The following SPCS2 variants were observed in gnomAD, a reference collection of about 807,000 sequenced individuals.
SPCS2 encodes signal peptidase complex subunit 2.
A neutral mutation model predicts 22.3 loss-of-function variants in SPCS2; 3 were observed. The observed-to-expected ratio is 0.13, with a 90% CI of 0.06 to 0.35. SPCS2 has a LOEUF of 0.35. Ranked by LOEUF, SPCS2 falls within the 10% of genes least tolerant of loss-of-function variation. The pLI is 1.00. For synonymous variants in SPCS2, 67 were observed against 97.2 expected (o/e 0.69, Z 1.83); for missense variants, 169 against 280.9 (o/e 0.60, Z 2.85).
At chr11:74,963,499 A>C in intron 1 of SPCS2, 1 of 376,210 alleles carries the variant, frequency 2.7e-6, no homozygotes, top group Non-Finnish European at 5.1e-6. Context: ...GTAGTTGTTT[A>C]AAATCTTTAC....
At chr11:74,953,531 CG>C (rs1948458838) in intron 1 of SPCS2, among the ~76,000 whole-genome samples, 1 of 152,058 alleles carries the variant, frequency 6.6e-6, no homozygotes, top group Admixed American at 6.5e-5. Flanking sequence ...TTGATTTGGG[CG>C]GGGAGGGTTT....
At chr11:74,956,513 C>T (rs1377500120) in intron 1 of SPCS2, among the ~76,000 whole-genome samples, 3 of 151,840 alleles carry the variant, frequency 2.0e-5, no homozygotes, top group East Asian at 1.9e-4. Flanking sequence ...TTGCTTTGTA[C>T]TCCACAGCCA....
At chr11:74,949,637 C>T (rs756294355) in intron 1 of SPCS2, 1 of 576,556 alleles carries the variant, frequency 1.7e-6, no homozygotes, top group South Asian at 1.5e-5. Flanking sequence ...TCCTGGTCGC[C>T]ACACCTTTTT....
chr11:74,976,881 G>T lies in SPCS2; in HGVS notation c.519G>T (p.Lys173Asn), dbSNP rs763005747. 5.6e-6 allele frequency: 9 copies of T among 1,613,448 alleles called. No individual in the cohort carries two copies. The highest frequency in any genetic ancestry group is 7.6e-6 in the Non-Finnish European group (9 of 1,179,646). ...GGTTTGATGACAAATACACCTTGAA[G>T]CTGACCTTCATCAGTGGGAGAACAA... is the stretch of plus-strand genomic sequence containing the variant. ...LKRFDDKYTL[K>N]LTFISGRTKQ... The change falls in exon 5 of 5, where the codon AAG becomes AAT. Residue 173 changes from lysine to asparagine, a missense_variant. Lys to Asn is a moderately conservative substitution (Grantham distance 94). Around this residue, in one of 2 missense-constraint regions of SPCS2, gnomAD observed 118 missense variants for 243.1 expected, o/e 0.49. Coordinates refer to ENST00000263672, the MANE Select transcript of SPCS2 (RefSeq NM_014752.3).
rs72988540 is a variant in SPCS2, at chr11:74,949,805, C to G, written c.114+406C>G. 2.8e-3 allele frequency among the ~76,000 whole-genome samples: 432 copies of G among 152,302 alleles called. 1 individual carries two copies. The highest frequency in any genetic ancestry group is 5.0e-3 in the Non-Finnish European group (343 of 68,024). On this transcript the variant is annotated intron_variant, in intron 1 of 4. Coordinates refer to ENST00000263672, the MANE Select transcript of SPCS2 (RefSeq NM_014752.3). Reference sequence around the variant, plus strand: ...AAACTCTCTACCACCATCACCCTTGCGTGCTGCTACAGATTCCAAAGTGCT... The same window carrying G: ...AAACTCTCTACCACCATCACCCTTGGGTGCTGCTACAGATTCCAAAGTGCT...
At chr11:74,949,518 A>G (rs1163560496) in intron 1 of SPCS2, 119 bp downstream of exon 1, 2 of 872,412 alleles carry the variant, frequency 2.3e-6, no homozygotes, top group Admixed American at 4.0e-5. Context: ...CCCTTGTGTG[A>G]CCACTATCAC....
intron 1 of SPCS2, among the ~76,000 whole-genome samples, chr11:74,955,849 A>ATATATATATATATATATATAT: frequency 2.8e-5 from 1 of 36,242 alleles, no homozygotes; most frequent in African/African-American, 7.6e-5. Context: ...ATTACTAATT[A>ATATATATATATATATATATAT]AAATATATAT....
At chr11:74,975,285 C>G (rs1289444802) in intron 4 of SPCS2, among the ~76,000 whole-genome samples, 1 of 152,112 alleles carries the variant, frequency 6.6e-6, no homozygotes, top group African/African-American at 2.4e-5. Flanking sequence ...TATTCTCTTA[C>G]CTTTCTTGTC....
intron 4 of SPCS2, among the ~76,000 whole-genome samples, chr11:74,973,761 G>A (rs903537595): frequency 6.6e-6 from 1 of 151,822 alleles, no homozygotes; most frequent in Non-Finnish European, 1.5e-5. Flanking sequence ...CTTTACTCTC[G>A]GTTTTTTGTT....
chr11:74,964,889 C>A, intron 1 of SPCS2, 145 bp from the exon 2 acceptor site: 1 of 586,378 alleles, frequency 1.7e-6, no homozygotes, highest in South Asian at 2.2e-5. Context: ...CCCAGAATAG[C>A]CTGTTTTGTC....
chr11:74,967,974 T>G (rs1948557101), intron 3 of SPCS2, among the ~76,000 whole-genome samples: 1 of 152,052 alleles, frequency 6.6e-6, no homozygotes, highest in Non-Finnish European at 1.5e-5. Context: ...CATATATCCT[T>G]CATCTCTAAA....
At chr11:74,969,012 T>G (rs796229060) in intron 3 of SPCS2, among the ~76,000 whole-genome samples, 1 of 152,220 alleles carries the variant, frequency 6.6e-6, no homozygotes, top group Admixed American at 6.5e-5. Flanking sequence ...AAAGCTCTTA[T>G]GCCAGTTTTT....
intron 1 of SPCS2, among the ~76,000 whole-genome samples, chr11:74,955,851 AATATATATATATAT>A (rs60855711): frequency 0.092 from 5,098 of 55,606 alleles, 635 homozygotes; most frequent in African/African-American, 0.15. Flanking sequence ...TACTAATTAA[AATATATATATATAT>A]ATATATATAT....
intron 1 of SPCS2, among the ~76,000 whole-genome samples, chr11:74,964,661 TG>T (rs1170512266): frequency 6.6e-6 from 1 of 152,206 alleles, no homozygotes; most frequent in African/African-American, 2.4e-5. Flanking sequence ...AAAATGAAGG[TG>T]GGATATACAA....
intron 1 of SPCS2, among the ~76,000 whole-genome samples, chr11:74,955,855 T>TAC (rs1214757640): frequency 1.2e-4 from 9 of 77,466 alleles, no homozygotes; most frequent in African/African-American, 8.6e-4. Flanking sequence ...AATTAAAATA[T>TAC]ATATATATAT....
At chr11:74,957,021 G>A (rs1212308145) in intron 1 of SPCS2, among the ~76,000 whole-genome samples, 1 of 151,858 alleles carries the variant, frequency 6.6e-6, no homozygotes, top group Non-Finnish European at 1.5e-5. Flanking sequence ...GCATTTTTCT[G>A]TATAATCTTT....
chr11:74,966,767 T>C (rs1451491322), intron 3 of SPCS2, among the ~76,000 whole-genome samples: 2 of 50,646 alleles, frequency 3.9e-5, no homozygotes, highest in Admixed American at 1.9e-4. Context: ...AATTTTGTTT[T>C]GTTTTCTTTT....
intron 1 of SPCS2, among the ~76,000 whole-genome samples, chr11:74,950,066 T>A (rs1051361761): frequency 5.3e-5 from 8 of 151,940 alleles, no homozygotes; most frequent in African/African-American, 9.7e-5. Flanking sequence ...CCAAAAAAAT[T>A]TTTTTTAACT....
At chr11:74,956,773 C>A (rs950183040) in intron 1 of SPCS2, among the ~76,000 whole-genome samples, 1 of 152,106 alleles carries the variant, frequency 6.6e-6, no homozygotes, top group Non-Finnish European at 1.5e-5. Context: ...ATAGCCCCTG[C>A]ATGTTCTTGA....
Sources: gnomAD v4.1 joint callset for allele counts (sites outside exome capture counted in the v4.1 genomes callset) on GRCh38, gnomAD v4.1.1 for gene constraint, gnomAD v4.1.1 regional missense constraint, MANE v1.5 for transcripts, NCBI Gene and HGNC (gene_info 2026-07-23, HGNC 2026-07-21) for gene names.